Variants in MTUS1 observed in about 807,000 individuals in gnomAD.
The protein encoded by MTUS1 is microtubule-associated tumor suppressor 1.
MTUS1 carries 109 observed loss-of-function variants against 120.8 expected under a neutral mutation model. The observed-to-expected ratio is 0.90, with a 90% CI of 0.77 to 1.06. The LOEUF is 1.06. MTUS1 is among the 50% of genes least tolerant of loss of function. The probability of loss-of-function intolerance (pLI) is 0.00; values close to 1 mark genes in which losing one functional copy is unlikely to be tolerated. For synonymous variants in MTUS1, 737 were observed against 550.5 expected (o/e 1.34, Z -4.74); for missense variants, 2,210 against 1,486.3 (o/e 1.49, Z -8.01).
intron 14 of MTUS1, 102 bp from the exon 15 acceptor site, chr8:17,646,241 T>C (rs1377997014): frequency 1.6e-6 from 2 of 1,264,382 alleles, no homozygotes. Context: ...AATTATTCCT[T>C]TGGGATAAAA....
At chr8:17,748,748 C>G (rs565469634) in intron 2 of MTUS1, among the ~76,000 whole-genome samples, 7 of 152,204 alleles carry the variant, frequency 4.6e-5, no homozygotes, top group Admixed American at 3.3e-4. Flanking sequence ...ATGGGGCACC[C>G]CCATCGCAAG....
In MTUS1 at chr8:17,644,920, C is replaced by T. The variant is rs1458598396; in HGVS notation, c.*1006G>A. On this transcript the variant is annotated 3_prime_UTR_variant, in exon 15 of 15. Coordinates refer to ENST00000693296, the MANE Select transcript of MTUS1 (RefSeq NM_001363059.2). ...GGAGGTAGAAGGTTTGCTTTTGTGG[C>T]TCTGGATGGTGGAGAAAGGTAAAAG... 1.3e-5 allele frequency: 2 copies of T among 152,090 alleles called. No homozygotes were observed. Among genetic ancestry groups the T allele is most frequent in the African/African-American group, 4.8e-5 (2 of 41,364 alleles). The allele number at this position is 152,090 out of a possible 1,614,324, so 9.4% of individuals were successfully genotyped here.
At chr8:17,727,141 T>C (rs2046278643) in intron 3 of MTUS1, among the ~76,000 whole-genome samples, 1 of 152,150 alleles carries the variant, frequency 6.6e-6, no homozygotes, top group African/African-American at 2.4e-5. Context: ...CTCACCAAAG[T>C]CTTCCCAATT....
Position 17,654,464 on chromosome 8 carries a change from T to A in MTUS1, c.3214+97A>T, listed in dbSNP as rs548642658. 28 of 895,698 alleles carry A rather than the reference T, an allele frequency of 3.1e-5. No individual in the cohort carries two copies. The East Asian group carries it at 6.1e-4, about 20-fold the overall frequency. 55.5% of individuals were successfully genotyped at this position (895,698 alleles called of 1,614,324 possible). A position where few individuals can be genotyped will look rare whatever the true frequency, so the allele number is the denominator to read the frequency against. ...CCCCAGCCTGAAGGCCACAGGGCAT[T>A]CGCTGAAGCAGGAAGTTATGAATCA... On this transcript the variant is annotated intron_variant, in intron 10 of 14. Transcript: ENST00000693296.
chr8:17,798,469 A>G (rs2052427194), intron 1 of MTUS1, among the ~76,000 whole-genome samples: 1 of 152,028 alleles, frequency 6.6e-6, no homozygotes. Flanking sequence ...AGTAGCTGAG[A>G]TTACAGATCC....
At chr8:17,660,960 C>T (rs1479251307) in intron 8 of MTUS1, among the ~76,000 whole-genome samples, 2 of 152,146 alleles carry the variant, frequency 1.3e-5, no homozygotes, top group Non-Finnish European at 2.9e-5. Context: ...GCAACTCAAG[C>T]CTTTGGGACT....
At chr8:17,727,679 G>T (rs1400551619) in intron 3 of MTUS1, among the ~76,000 whole-genome samples, 1 of 152,220 alleles carries the variant, frequency 6.6e-6, no homozygotes, top group Non-Finnish European at 1.5e-5. Context: ...TTCCGAAAAG[G>T]TGACATTTAC....
chr8:17,784,440 T>C (rs192802615), intron 1 of MTUS1, among the ~76,000 whole-genome samples: 66 of 152,060 alleles, frequency 4.3e-4, no homozygotes, highest in African/African-American at 1.5e-3. Context: ...GGATTACAGG[T>C]GCGCACCACC....
intron 3 of MTUS1, 133 bp downstream of exon 3, chr8:17,743,471 T>G (rs1200065457): frequency 8.7e-6 from 7 of 800,750 alleles, no homozygotes; most frequent in African/African-American, 3.5e-5. Flanking sequence ...CTTCTTTTTC[T>G]ACCTCCTGTG....
chr8:17,766,081 C>T (rs1398913215), intron 1 of MTUS1, among the ~76,000 whole-genome samples: 4 of 152,118 alleles, frequency 2.6e-5, no homozygotes, highest in African/African-American at 9.7e-5. Context: ...TTAATTGTCA[C>T]TTTAGAGGCA....
chr8:17,698,255 G>A (rs529558132), intron 6 of MTUS1, among the ~76,000 whole-genome samples: 29 of 152,270 alleles, frequency 1.9e-4, no homozygotes, highest in Non-Finnish European at 3.2e-4. Flanking sequence ...AGAACATCAT[G>A]TGGTCTCTTA....
chr8:17,761,686 CA>C, intron 1 of MTUS1, among the ~76,000 whole-genome samples: 1 of 152,256 alleles, frequency 6.6e-6, no homozygotes, highest in East Asian at 1.9e-4. Context: ...AAAAGTAAAA[CA>C]TAAGAACTGG....
chr8:17,721,935 A>G, intron 4 of MTUS1: 1 of 1,594,452 alleles, frequency 6.3e-7, no homozygotes, highest in Non-Finnish European at 8.6e-7. Context: ...AGCAGGAAAA[A>G]CTGCAGCCAT....
chr8:17,649,784 G>T, intron 13 of MTUS1, 62 bp downstream of exon 13: 1 of 877,448 alleles, frequency 1.1e-6, no homozygotes, highest in Non-Finnish European at 1.9e-6. Flanking sequence ...TAAAATGCAG[G>T]GCTCAATTTC....
intron 5 of MTUS1, among the ~76,000 whole-genome samples, 195 bp from the exon 6 acceptor site, chr8:17,713,447 C>T (rs1821724646): frequency 6.6e-6 from 1 of 151,794 alleles, no homozygotes; most frequent in Non-Finnish European, 1.5e-5. Context: ...CACATAACAT[C>T]AAAATGTTTA....
intron 6 of MTUS1, among the ~76,000 whole-genome samples, chr8:17,695,619 A>G (rs1056248063): frequency 7.2e-5 from 11 of 152,360 alleles, no homozygotes; most frequent in African/African-American, 2.6e-4. Context: ...CAACAACACT[A>G]CAGACAACTT....
chr8:17,752,086 C>A (rs1161211435), intron 2 of MTUS1, among the ~76,000 whole-genome samples: 2 of 152,120 alleles, frequency 1.3e-5, no homozygotes, highest in Non-Finnish European at 2.9e-5. Flanking sequence ...CTCAGTACCA[C>A]ATCGGGAGCC....
At chr8:17,774,652 G>A (rs902018400) in intron 1 of MTUS1, among the ~76,000 whole-genome samples, 1 of 152,132 alleles carries the variant, frequency 6.6e-6, no homozygotes, top group Non-Finnish European at 1.5e-5. Flanking sequence ...AATGTCAAGT[G>A]GTGCAGCAGC....
At chr8:17,736,991 C>G (rs1277000267) in intron 3 of MTUS1, among the ~76,000 whole-genome samples, 1 of 152,238 alleles carries the variant, frequency 6.6e-6, no homozygotes, top group Non-Finnish European at 1.5e-5. Flanking sequence ...CGGGTCTCTT[C>G]TGTGCACTTC....
Sources: allele counts gnomAD v4.1 joint callset (sites outside exome capture counted in the v4.1 genomes callset), GRCh38; gene constraint gnomAD v4.1.1; transcripts MANE v1.5; gene names NCBI Gene and HGNC (gene_info 2026-07-23, HGNC 2026-07-21).